The following THG1L variants were observed in gnomAD, a reference collection of about 807,000 sequenced individuals.
The protein encoded by THG1L is tRNA-histidine guanylyltransferase 1 like.
In THG1L, 27 loss-of-function variants were observed where a neutral mutation model predicts 35.2. The ratio of observed to expected loss-of-function variants is 0.77; its 90% CI spans 0.57 to 1.06. The LOEUF (loss-of-function observed/expected upper bound fraction) is 1.06. Ranked by LOEUF, THG1L falls within the 50% of genes least tolerant of loss-of-function variation. The probability of loss-of-function intolerance (pLI) is 0.00; values close to 1 mark genes in which losing one functional copy is unlikely to be tolerated. For synonymous variants in THG1L, 135 were observed against 132.4 expected, an observed-to-expected ratio of 1.02 and a Z score of -0.14; for missense variants, 377 against 371.8, an observed-to-expected ratio of 1.01 and a Z score of -0.12.
At chr5:157,739,271 C>T (rs949775099) in intron 5 of THG1L, 50 bp from the exon 6 acceptor site, 2 of 1,581,638 alleles carry the variant, frequency 1.3e-6, no homozygotes, top group Non-Finnish European at 1.7e-6. Flanking sequence ...CCTTTCTCTC[C>T]CAAACCCACT....
chr5:157,732,287 A>T (rs572282965), intron 1 of THG1L, among the ~76,000 whole-genome samples: 1 of 150,754 alleles, frequency 6.6e-6, no homozygotes, highest in African/African-American at 2.4e-5. Flanking sequence ...AGAAAGAAAA[A>T]GAAAAAATTT....
chr5:157,738,678 T>C lies in THG1L; in HGVS notation c.736-643T>C, dbSNP rs1312036000. 2.1e-5 allele frequency: 9 copies of C among 430,748 alleles called. No homozygotes were observed. In the East Asian group the frequency reaches 6.5e-4, roughly 31 times the overall value. The allele number at this position is 430,748 out of a possible 1,614,324, so 26.7% of individuals were successfully genotyped here. On this transcript the variant is annotated intron_variant, in intron 5 of 5. Coordinates refer to ENST00000231198, the MANE Select transcript of THG1L (RefSeq NM_017872.5). ...CACTGGCAACTCCAGCTCTTTGAGT[T>C]GTTCAAAACATTTATTCTTTGGTAC...
chr5:157,734,527 G>A (rs534937926), intron 2 of THG1L, 49 bp from the exon 3 acceptor site: 66 of 1,603,934 alleles, frequency 4.1e-5, no homozygotes, highest in Non-Finnish European at 4.9e-5. Context: ...AACTAATTCC[G>A]TGTATTTTTC....
rs763782992 is a variant in THG1L, at chr5:157,731,446, G to A, written c.6G>A (p.Trp2Ter). Reference sequence around the variant, plus strand: ...CTTTCCTTTCCGCGTGTAGAATGTGGGGCGCCTGTAAAGTTAAGGTTCACG... The same window carrying A: ...CTTTCCTTTCCGCGTGTAGAATGTGAGGCGCCTGTAAAGTTAAGGTTCACG... The part of the protein sequence containing the change: M[W>*]GACKVKVHDS... The change falls in exon 1 of 6, where the codon TGG becomes TGA. Residue 2 changes from tryptophan (W) to a stop codon, truncating the protein, a stop_gained. Coordinates refer to ENST00000231198, the MANE Select transcript of THG1L (RefSeq NM_017872.5). LOFTEE classifies it high-confidence loss of function. 1.3e-6 allele frequency: 2 copies of A among 1,594,376 alleles called. No individual in the cohort carries two copies. The highest frequency in any genetic ancestry group is 1.7e-5 in the Admixed American group (1 of 58,436).
chr5:157,735,222 G>A (rs1231951452), intron 3 of THG1L, among the ~76,000 whole-genome samples: 2 of 152,216 alleles, frequency 1.3e-5, no homozygotes, highest in Non-Finnish European at 1.5e-5. Context: ...ATAGGCGTGA[G>A]CCACCACGCC....
chr5:157,735,829 T>C lies in THG1L; in HGVS notation c.539-17T>C, dbSNP rs1185565198. On this transcript the variant is annotated splice_polypyrimidine_tract_variant and intron_variant, in intron 3 of 5. Transcript: ENST00000231198. The stretch of plus-strand genomic sequence containing the variant: ...GATTTTATGTATATAAACATTACTA[T>C]TTTGTTCTCCTCACAGGTCACATCA... The C allele has an allele frequency of 6.5e-7, 1 of 1,531,384 alleles. No homozygotes were observed. Among genetic ancestry groups the C allele is most frequent in the Non-Finnish European group, 9.0e-7 (1 of 1,115,514 alleles). The allele number at this position is 1,531,384 out of a possible 1,614,324, so 94.9% of individuals were successfully genotyped here. A position where few individuals can be genotyped will look rare whatever the true frequency, so the allele number is the denominator to read the frequency against.
At position 157,739,733 on chromosome 5, in the gene THG1L, A is replaced by T. The variant is rs1018049325; in HGVS notation, c.*251A>T. 22 of 341,634 alleles carry T rather than the reference A, an allele frequency of 6.4e-5. No homozygotes were observed. Among genetic ancestry groups the T allele is most frequent in the African/African-American group, 4.6e-4 (22 of 47,516 alleles). The allele number at this position is 341,634 out of a possible 1,614,324, so 21.2% of individuals were successfully genotyped here. On this transcript the variant is annotated 3_prime_UTR_variant, in exon 6 of 6. Transcript: ENST00000231198. ...GCAGAAGTGCTTTTTTTTTAATCGC[A>T]GTACTATTTTTATAAAGCAAGAACT...
Position 157,737,904 on chromosome 5 carries a change from C to T in THG1L, c.645C>T (p.Asp215=). The change falls in exon 5 of 6, where the codon GAC becomes GAT. Residue 215 remains aspartate (D), a synonymous_variant. Coordinates refer to ENST00000231198, the MANE Select transcript of THG1L (RefSeq NM_017872.5). The part of the protein sequence containing the change: ...QGRLQGTLAA[D]KNEILFSEFN... The stretch of plus-strand genomic sequence containing the variant: ...TTTCTCAGGGAACTCTTGCAGCAGA[C>T]AAGAATGAGATTTTGTTTTCTGAAT... 6.2e-7 allele frequency: 1 copy of T among 1,612,474 alleles called. No individual in the cohort carries two copies. Among genetic ancestry groups the T allele is most frequent in the Non-Finnish European group, 8.5e-7 (1 of 1,179,510 alleles).
rs114315027 is a variant in THG1L at position 157,739,820 on chromosome 5, C to T, written c.*338C>T. 1.9e-3 allele frequency: 328 copies of T among 175,308 alleles called. 3 individuals carry two copies. Among genetic ancestry groups the T allele is most frequent in the African/African-American group, 7.5e-3 (317 of 42,532 alleles). 10.9% of individuals were successfully genotyped at this position (175,308 alleles called of 1,614,324 possible). ...TGACATAAATCTTGTAAAAACCTGT[C>T]AGTTATTTTCATCTATGAGAGAAGA... is the stretch of plus-strand genomic sequence containing the variant. On this transcript the variant is annotated 3_prime_UTR_variant, in exon 6 of 6. Coordinates refer to ENST00000231198, the MANE Select transcript of THG1L (RefSeq NM_017872.5).
At chr5:157,732,378 G>A (rs913876001) in intron 1 of THG1L, among the ~76,000 whole-genome samples, 4 of 152,118 alleles carry the variant, frequency 2.6e-5, no homozygotes, top group Non-Finnish European at 5.9e-5. Context: ...GAGCCTGGGA[G>A]GTCAAGGCTG....
intron 3 of THG1L, 47 bp downstream of exon 3, chr5:157,734,792 G>A (rs777710507): frequency 6.2e-7 from 1 of 1,608,252 alleles, no homozygotes; most frequent in Admixed American, 1.7e-5. Flanking sequence ...CCAATTCCAT[G>A]TCTTACAGGT....
chr5:157,737,821 TG>T (rs1472676645), intron 4 of THG1L, 65 bp from the exon 5 acceptor site: 2 of 1,272,964 alleles, frequency 1.6e-6, no homozygotes, highest in African/African-American at 3.1e-5. Flanking sequence ...GTGGGTCGAA[TG>T]GATAGTAGCA....
rs1761037151 is a variant in THG1L, at chr5:157,741,328, C to T, written c.*1846C>T. The T allele has an allele frequency of 6.6e-6, 1 of 152,196 alleles. No individual in the cohort carries two copies. The highest frequency in any genetic ancestry group is 1.5e-5 in the Non-Finnish European group (1 of 68,036). The allele number at this position is 152,196 out of a possible 1,614,324, so 9.4% of individuals were successfully genotyped here. On this transcript the variant is annotated 3_prime_UTR_variant, in exon 6 of 6. Transcript: ENST00000231198. ...GGCCTCATCCCTCACTAATTGACAA[C>T]CCATCTGTCGATGCCATTTTTTCCC...
chr5:157,738,254 A>G (rs1760935370), intron 5 of THG1L, among the ~76,000 whole-genome samples: 1 of 152,216 alleles, frequency 6.6e-6, no homozygotes, highest in African/African-American at 2.4e-5. Context: ...CTGTCCCTGT[A>G]TCCGATAAAA....
In THG1L at chr5:157,739,903, C is replaced by G. The variant is rs935738000; in HGVS notation, c.*421C>G. On this transcript the variant is annotated 3_prime_UTR_variant, in exon 6 of 6. Transcript: ENST00000231198. Reference sequence around the variant, plus strand: ...CAGAAAACCCACTGACTTTGAAAATCTCACCTCTGCCACCCATCTACTTGC... The same window carrying G: ...CAGAAAACCCACTGACTTTGAAAATGTCACCTCTGCCACCCATCTACTTGC... 2.0e-5 allele frequency: 3 copies of G among 153,286 alleles called. No individual in the cohort carries two copies. The highest frequency in any genetic ancestry group is 7.2e-5 in the African/African-American group (3 of 41,480). 9.5% of individuals were successfully genotyped at this position (153,286 alleles called of 1,614,324 possible). A position where few individuals can be genotyped will look rare whatever the true frequency, so the allele number is the denominator to read the frequency against.
In THG1L at chr5:157,732,987, G is replaced by A. The variant is rs763059388; in HGVS notation, c.311G>A (p.Ser104Asn). ...LEDIVIAYGQ[S>N]DEYSFVFKRK... The stretch of plus-strand genomic sequence containing the variant: ...GATATTGTGATCGCGTATGGACAGA[G>A]TGATGAGTACAGCTTTGTGTTCAAG... Residue 104 changes from serine (S) to asparagine (N), a missense_variant, in exon 2 of 6, where the codon AGT (serine) becomes AAT (asparagine). Physicochemically the swap from Ser to Asn is conservative, Grantham distance 46. Coordinates refer to ENST00000231198, the MANE Select transcript of THG1L (RefSeq NM_017872.5). 1.2e-5 allele frequency: 20 copies of A among 1,614,122 alleles called. No homozygotes were observed. The highest frequency in any genetic ancestry group is 3.4e-6 in the Non-Finnish European group (4 of 1,180,046).
rs34744387 is a variant in THG1L, at chr5:157,732,215, CAAAAAAAAAAA to C, written c.191+603_191+613del. ...TGTTGTTTGTGAAACTCCGCCACTACAAAAAAAAAAAAAAAAAAAAAAAAAAAAAGAGAGAG... is the reference window on the plus strand; with the variant it reads ...TGTTGTTTGTGAAACTCCGCCACTACAAAAAAAAAAAAAAAAAAGAGAGAG... On this transcript the variant is annotated intron_variant, in intron 1 of 5. Transcript: ENST00000231198. Among the ~76,000 whole-genome samples the C allele has an allele frequency of 5.6e-3, 299 of 53,868 alleles. 1 individual carries two copies. Among genetic ancestry groups the C allele is most frequent in the African/African-American group, 0.022 (243 of 10,802 alleles). 35.3% of individuals were successfully genotyped at this position (53,868 alleles called of 152,430 possible).
chr5:157,733,831 G>C (rs1266199542), intron 2 of THG1L, among the ~76,000 whole-genome samples: 8 of 152,100 alleles, frequency 5.3e-5, no homozygotes, highest in African/African-American at 1.9e-4. Flanking sequence ...AATTAGCCGG[G>C]CTCAGTGGCA....
At chr5:157,736,023 T>C in intron 4 of THG1L, 89 bp downstream of exon 4, 2 of 873,908 alleles carry the variant, frequency 2.3e-6, no homozygotes, top group Non-Finnish European at 3.6e-6. Context: ...TTTACATTTC[T>C]TTCTTTTAAG....
Sources: allele counts gnomAD v4.1 joint callset (sites outside exome capture counted in the v4.1 genomes callset), GRCh38; gene constraint gnomAD v4.1.1; transcripts MANE v1.5; gene names NCBI Gene and HGNC (gene_info 2026-07-23, HGNC 2026-07-21).